Variants in CDH4 observed in about 807,000 individuals in gnomAD.
CDH4 encodes cadherin 4, also known as cadherin-4.
A neutral mutation model predicts 86.0 loss-of-function variants in CDH4; 33 were observed. The observed-to-expected ratio is 0.38, with a 90% CI of 0.29 to 0.51. The LOEUF (loss-of-function observed/expected upper bound fraction) is 0.51, where lower values mean the gene tolerates loss of function less well. Ranked by LOEUF, CDH4 falls within the 20% of genes least tolerant of loss-of-function variation. The pLI, the probability that CDH4 is intolerant of heterozygous loss-of-function variation, is 0.86. For missense variants in CDH4, 1,114 were observed against 1,307.4 expected (o/e 0.85, Z 2.28); for synonymous variants, 555 against 549.4 (o/e 1.01, Z -0.14).
intron 2 of CDH4, among the ~76,000 whole-genome samples, chr20:61,318,614 G>A (rs2084491019): frequency 6.6e-6 from 1 of 152,310 alleles, no homozygotes; most frequent in South Asian, 2.1e-4. Context: ...CCTGGTTCGT[G>A]CCCAGGAGGA....
chr20:61,603,056 CGTT>C (rs2086615292), intron 2 of CDH4, among the ~76,000 whole-genome samples: 1 of 152,218 alleles, frequency 6.6e-6, no homozygotes, highest in East Asian at 1.9e-4. Flanking sequence ...TAAGGATACA[CGTT>C]GGGAGCGCCA....
At chr20:61,351,428 C>T (rs999385030) in intron 2 of CDH4, among the ~76,000 whole-genome samples, 11 of 152,216 alleles carry the variant, frequency 7.2e-5, no homozygotes, top group South Asian at 2.1e-4. Flanking sequence ...TTGGCATGCA[C>T]GGTGGTAGGT....
At chr20:61,890,550 G>A (rs189773341) in intron 7 of CDH4, among the ~76,000 whole-genome samples, 1 of 151,652 alleles carries the variant, frequency 6.6e-6, no homozygotes, top group East Asian at 2.0e-4. Flanking sequence ...TGAATGGATG[G>A]ATGGGTGGAT....
chr20:61,609,191 C>G (rs6121726), intron 2 of CDH4, among the ~76,000 whole-genome samples: 1 of 152,066 alleles, frequency 6.6e-6, no homozygotes, highest in Non-Finnish European at 1.5e-5. Flanking sequence ...TCTGAATCAT[C>G]GTTGTAAAAC....
chr20:61,562,258 A>AGC (rs2086223648), intron 2 of CDH4, among the ~76,000 whole-genome samples: 1 of 97,318 alleles, frequency 1.0e-5, no homozygotes, highest in African/African-American at 5.5e-5. Context: ...CCGGAGAGAG[A>AGC]GGGACCTCCG....
chr20:61,323,368 T>G (rs2123246199), intron 2 of CDH4, among the ~76,000 whole-genome samples: 1 of 152,306 alleles, frequency 6.6e-6, no homozygotes, highest in Middle Eastern at 3.4e-3. Flanking sequence ...TGGGAAAGTC[T>G]TCATCGAGTG....
At chr20:61,867,561 A>AGAG (rs1555850607) in intron 6 of CDH4, among the ~76,000 whole-genome samples, 9 of 142,134 alleles carry the variant, frequency 6.3e-5, no homozygotes, top group Non-Finnish European at 9.1e-5. Flanking sequence ...AAAAAAAAAA[A>AGAG]AGAGAGAGAG....
chr20:61,524,415 G>A (rs534851669), intron 2 of CDH4, among the ~76,000 whole-genome samples: 7 of 152,256 alleles, frequency 4.6e-5, no homozygotes, highest in African/African-American at 1.7e-4. Context: ...GATGCATGTC[G>A]TCAGCAGAGG....
intron 2 of CDH4, among the ~76,000 whole-genome samples, chr20:61,659,135 G>T (rs2145828878): frequency 1.3e-5 from 2 of 152,322 alleles, no homozygotes; most frequent in South Asian, 4.1e-4. Context: ...ATCAATAACA[G>T]CAACACCCAA....
At chr20:61,424,475 C>A (rs546756952) in intron 2 of CDH4, among the ~76,000 whole-genome samples, 1 of 152,050 alleles carries the variant, frequency 6.6e-6, no homozygotes, top group East Asian at 1.9e-4. Context: ...ATATGCATAT[C>A]CACACATAGC....
intron 2 of CDH4, among the ~76,000 whole-genome samples, chr20:61,458,033 G>A (rs1271161298): frequency 3.3e-5 from 5 of 151,458 alleles, no homozygotes; most frequent in African/African-American, 1.2e-4. Flanking sequence ...TGATGTTGAT[G>A]GCAGTGCTGA....
chr20:61,837,712 C>G (rs1981942827), intron 4 of CDH4, among the ~76,000 whole-genome samples: 1 of 152,022 alleles, frequency 6.6e-6, no homozygotes, highest in South Asian at 2.1e-4. Flanking sequence ...AGGCTGAGGA[C>G]CAGCCTTGGG....
At chr20:61,652,938 A>ATTTTTTTTTTT (rs763918382) in intron 2 of CDH4, among the ~76,000 whole-genome samples, 60 of 97,234 alleles carry the variant, frequency 6.2e-4, no homozygotes, top group Middle Eastern at 5.4e-3. Flanking sequence ...TTATTTATTT[A>ATTTTTTTTTTT]TTTTTTTTTT....
At chr20:61,654,417 A>AAGAGGG (rs1392276704) in intron 2 of CDH4, among the ~76,000 whole-genome samples, 1 of 152,064 alleles carries the variant, frequency 6.6e-6, no homozygotes, top group East Asian at 1.9e-4. Context: ...AGACCGTGGA[A>AAGAGGG]AGAGGGAGAG....
chr20:61,313,527 A>G (rs978967200), intron 2 of CDH4, among the ~76,000 whole-genome samples: 2 of 152,204 alleles, frequency 1.3e-5, no homozygotes, highest in Admixed American at 1.3e-4. Flanking sequence ...CTCACAGTGC[A>G]TGGACCACTG....
chr20:61,680,709 G>A (rs6142828), intron 2 of CDH4, among the ~76,000 whole-genome samples: 18,756 of 152,196 alleles, frequency 0.12, 1,805 homozygotes, highest in East Asian at 0.43. Context: ...TTTCCTGGCT[G>A]TTTCTGGGAT....
chr20:61,830,875 C>T (rs976537914), intron 4 of CDH4, among the ~76,000 whole-genome samples: 6 of 152,236 alleles, frequency 3.9e-5, no homozygotes, highest in Non-Finnish European at 5.9e-5. Context: ...CACCTCCGCT[C>T]CTCTCTCCTG....
chr20:61,396,243 A>AG (rs2085016089), intron 2 of CDH4, among the ~76,000 whole-genome samples: 1 of 152,126 alleles, frequency 6.6e-6, no homozygotes, highest in African/African-American at 2.4e-5. Flanking sequence ...GTGGAGGGTG[A>AG]GGGCCACATC....
At chr20:61,264,488 C>G (rs1369527167) in intron 2 of CDH4, among the ~76,000 whole-genome samples, 28 of 144,584 alleles carry the variant, frequency 1.9e-4, no homozygotes, top group African/African-American at 6.4e-4. Context: ...TTCAGTCCTA[C>G]ACATACCTCA....
Sources: gnomAD v4.1 joint callset for allele counts (sites outside exome capture counted in the v4.1 genomes callset) on GRCh38, gnomAD v4.1.1 for gene constraint, MANE v1.5 for transcripts, NCBI Gene and HGNC (gene_info 2026-07-23, HGNC 2026-07-21) for gene names.